Variants in TEC observed in about 807,000 individuals in gnomAD.
The protein encoded by TEC is tyrosine-protein kinase Tec.
Under a neutral mutation model 93.0 loss-of-function variants are expected in TEC, and 72 were observed. That is an observed-to-expected ratio of 0.77 (90% CI 0.64 to 0.94). The LOEUF (loss-of-function observed/expected upper bound fraction) is 0.94, where lower values mean the gene tolerates loss of function less well. TEC is among the 40% of genes least tolerant of loss of function. TEC has a pLI of 0.00. For synonymous variants in TEC, 249 were observed against 247.7 expected, an observed-to-expected ratio of 1.01 and a Z score of -0.05; for missense variants, 630 against 757.9, an observed-to-expected ratio of 0.83 and a Z score of 1.98.
intron 2 of TEC, among the ~76,000 whole-genome samples, chr4:48,204,558 C>T (rs758561284): frequency 3.3e-5 from 5 of 152,132 alleles, no homozygotes; most frequent in Admixed American, 6.5e-5. Flanking sequence ...TTATCTAAGT[C>T]CCATAAGTCA....
intron 1 of TEC, among the ~76,000 whole-genome samples, chr4:48,231,617 C>T (rs1256819519): frequency 6.6e-6 from 1 of 152,026 alleles, no homozygotes; most frequent in Admixed American, 6.6e-5. Flanking sequence ...ATTAGCCAGG[C>T]GTGGTGGCGG....
chr4:48,241,002 A>T (rs1272971942), intron 1 of TEC, among the ~76,000 whole-genome samples: 2 of 152,208 alleles, frequency 1.3e-5, no homozygotes, highest in Non-Finnish European at 2.9e-5. Flanking sequence ...AAACATTCTC[A>T]TAGATGATTT....
At chr4:48,138,642 G>C (rs779447979) in intron 17 of TEC, 23 bp downstream of exon 17, 2 of 1,583,136 alleles carry the variant, frequency 1.3e-6, no homozygotes, top group Admixed American at 1.8e-5. Flanking sequence ...GATTCAAAAA[G>C]AAAGCACACA....
intron 1 of TEC, among the ~76,000 whole-genome samples, chr4:48,236,289 T>G (rs1388355579): frequency 6.6e-6 from 1 of 152,016 alleles, no homozygotes; most frequent in Non-Finnish European, 1.5e-5. Flanking sequence ...CTTTTTTTTT[T>G]GTTTTTTTTT....
chr4:48,173,870 T>C (rs955099808), intron 3 of TEC, among the ~76,000 whole-genome samples: 11 of 152,182 alleles, frequency 7.2e-5, no homozygotes, highest in African/African-American at 2.2e-4. Flanking sequence ...AACCATCCCA[T>C]CTAGGCAGCT....
chr4:48,177,219 C>G (rs1269561823), intron 2 of TEC, among the ~76,000 whole-genome samples: 1 of 151,966 alleles, frequency 6.6e-6, no homozygotes, highest in Non-Finnish European at 1.5e-5. Flanking sequence ...TATAATGCAG[C>G]CACTAAAAAT....
At chr4:48,261,388 TA>T (rs1309312948) in intron 1 of TEC, among the ~76,000 whole-genome samples, 1 of 152,118 alleles carries the variant, frequency 6.6e-6, no homozygotes, top group Non-Finnish European at 1.5e-5. Flanking sequence ...ACCCTAATAG[TA>T]AAAACTAACT....
rs549979084 is a variant in TEC, at chr4:48,182,242, A to AC, written c.139-6057dup. Among the ~76,000 whole-genome samples, 928 of 149,928 alleles carry AC rather than the reference A, an allele frequency of 6.2e-3. 5 individuals carry two copies. The highest frequency in any genetic ancestry group is 9.6e-3 in the Non-Finnish European group (647 of 67,738). On this transcript the variant is annotated intron_variant, in intron 2 of 17. Coordinates refer to ENST00000381501, the MANE Select transcript of TEC (RefSeq NM_003215.3). ...GGAGGTTGCAGTGAGCCAAGATCGCACCACTGCCCTCCAGCCTAGGTGACA... is the reference window on the plus strand; with the variant it reads ...GGAGGTTGCAGTGAGCCAAGATCGCACCCACTGCCCTCCAGCCTAGGTGACA...
chr4:48,247,040 G>A lies in TEC; in HGVS notation c.-45-18381C>T, dbSNP rs377055397. Among the ~76,000 whole-genome samples the A allele has an allele frequency of 1.8e-4, 28 of 152,168 alleles. No individual in the cohort carries two copies. The South Asian group carries it at 3.9e-3, about 21-fold the overall frequency. On this transcript the variant is annotated intron_variant, in intron 1 of 17. Transcript: ENST00000381501. ...CCAGAATATATAAAGAACACTTACCGTTAAACAAGAAAAAGACAACCCAGT... is the reference window on the plus strand; with the variant it reads ...CCAGAATATATAAAGAACACTTACCATTAAACAAGAAAAAGACAACCCAGT...
intron 1 of TEC, among the ~76,000 whole-genome samples, chr4:48,246,189 A>T (rs547391487): frequency 2.4e-4 from 36 of 148,392 alleles, no homozygotes; most frequent in Middle Eastern, 3.6e-3. Flanking sequence ...ATGTTTCAAT[A>T]AAAAAAAATG....
chr4:48,264,346 C>CA (rs1472749172), intron 1 of TEC, among the ~76,000 whole-genome samples: 10 of 152,290 alleles, frequency 6.6e-5, no homozygotes, highest in African/African-American at 2.4e-4. Context: ...TCTACCCCAG[C>CA]AAAAAACCTG....
At chr4:48,259,715 CAAAAA>C (rs5858111) in intron 1 of TEC, among the ~76,000 whole-genome samples, 1 of 117,872 alleles carries the variant, frequency 8.5e-6, no homozygotes, top group Non-Finnish European at 1.8e-5. Context: ...GACTTTGTCT[CAAAAA>C]AAAAAAAAAA....
chr4:48,169,540 C>T (rs1006444501), intron 5 of TEC, among the ~76,000 whole-genome samples: 2 of 152,112 alleles, frequency 1.3e-5, no homozygotes, highest in East Asian at 1.9e-4. Context: ...GTTCATAATA[C>T]AGCATCCCTG....
chr4:48,256,191 G>GTA (rs1724337223), intron 1 of TEC, among the ~76,000 whole-genome samples: 1 of 152,142 alleles, frequency 6.6e-6, no homozygotes, highest in Admixed American at 6.5e-5. Flanking sequence ...GGGCACTGGA[G>GTA]TAGTGCTGAG....
chr4:48,265,499 A>G (rs2036767), intron 1 of TEC, among the ~76,000 whole-genome samples: 47,551 of 112,210 alleles, frequency 0.42, 9,443 homozygotes, highest in Non-Finnish European at 0.52. Flanking sequence ...ATATGTGTGT[A>G]TATATATATA....
intron 1 of TEC, among the ~76,000 whole-genome samples, chr4:48,265,516 T>TA (rs577783171): frequency 0.18 from 7,941 of 43,204 alleles, 347 homozygotes; most frequent in African/African-American, 0.21. Flanking sequence ...TATATATATA[T>TA]TTTTTTTTTT....
intron 1 of TEC, among the ~76,000 whole-genome samples, chr4:48,258,457 T>C (rs551677590): frequency 1.8e-4 from 28 of 152,302 alleles, no homozygotes; most frequent in Admixed American, 7.2e-4. Flanking sequence ...GCATTCTTTA[T>C]TTCTCTGCCA....
chr4:48,171,874 G>A (rs1165171878), intron 3 of TEC, among the ~76,000 whole-genome samples: 1 of 152,224 alleles, frequency 6.6e-6, no homozygotes, highest in East Asian at 1.9e-4. Flanking sequence ...GACTACGCCA[G>A]CACTGTGCTG....
chr4:48,239,847 G>A (rs1192821688), intron 1 of TEC, among the ~76,000 whole-genome samples: 1 of 152,114 alleles, frequency 6.6e-6, no homozygotes, highest in African/African-American at 2.4e-5. Flanking sequence ...CAACTGAAAT[G>A]TATGAGACAA....
Sources: allele counts gnomAD v4.1 joint callset (sites outside exome capture counted in the v4.1 genomes callset), GRCh38; gene constraint gnomAD v4.1.1; transcripts MANE v1.5; gene names NCBI Gene and HGNC (gene_info 2026-07-23, HGNC 2026-07-21).